The following SNAPC3 variants were observed in gnomAD, a reference collection of about 807,000 sequenced individuals.
The protein encoded by SNAPC3 is snRNA-activating protein complex subunit 3.
SNAPC3 carries 56 observed loss-of-function variants against 47.7 expected under a neutral mutation model. The observed-to-expected ratio is 1.18, with a 90% CI of 0.95 to 1.47. SNAPC3 has a LOEUF of 1.47. Among genes scored for constraint, SNAPC3 ranks in the 40% most tolerant of loss-of-function variants. The pLI, the probability that SNAPC3 is intolerant of heterozygous loss-of-function variation, is 0.00. For synonymous variants in SNAPC3, 235 were observed against 189.9 expected, an observed-to-expected ratio of 1.24 and a Z score of -1.95; for missense variants, 665 against 511.3, an observed-to-expected ratio of 1.30 and a Z score of -2.90.
chr9:15,464,224 A>G, downstream of SNAPC3: 1 of 191,966 alleles, frequency 5.2e-6, no homozygotes, highest in Non-Finnish European at 1.1e-5. Flanking sequence ...TTCCATTATA[A>G]GACCTCTTTA....
At chr9:15,424,649 A>G (rs1188353371) in intron 2 of SNAPC3, among the ~76,000 whole-genome samples, 1 of 152,226 alleles carries the variant, frequency 6.6e-6, no homozygotes, top group African/African-American at 2.4e-5. Flanking sequence ...ATTGGTTAAC[A>G]AATAGGTCAT....
chr9:15,450,633 C>T (rs575580715), intron 5 of SNAPC3, among the ~76,000 whole-genome samples: 1 of 152,356 alleles, frequency 6.6e-6, no homozygotes, highest in South Asian at 2.1e-4. Flanking sequence ...ACCAGTTTAA[C>T]AGAGTGCTTC....
rs746587196 is a variant in SNAPC3 at position 15,444,595 on chromosome 9, T to G, written c.478-7T>G. On this transcript the variant is annotated splice_region_variant and splice_polypyrimidine_tract_variant and intron_variant, in intron 3 of 8. Transcript: ENST00000380821. ...TCTGATTTCAGTGTCTCTTTTTCTT[T>G]CTTCAGGAGTCACATGCCATAGGAA... 2.6e-6 allele frequency: 4 copies of G among 1,568,084 alleles called. No homozygotes were observed. The highest frequency in any genetic ancestry group is 1.7e-5 in the Admixed American group (1 of 59,210).
chr9:15,458,507 C>G (rs556370669), intron 8 of SNAPC3, among the ~76,000 whole-genome samples: 6 of 152,294 alleles, frequency 3.9e-5, no homozygotes, highest in Admixed American at 1.3e-4. Flanking sequence ...TTCTTTCTGC[C>G]TCTTGTCCAC....
chr9:15,456,402 A>C (rs954688292), intron 7 of SNAPC3, among the ~76,000 whole-genome samples: 1 of 152,224 alleles, frequency 6.6e-6, no homozygotes, highest in Non-Finnish European at 1.5e-5. Context: ...AACTCATGGT[A>C]ACTTCTTGAT....
chr9:15,462,219 G>A (rs932194566), downstream of SNAPC3: 1 of 152,130 alleles, frequency 6.6e-6, no homozygotes, highest in Non-Finnish European at 1.5e-5. Context: ...CTGCTACTGG[G>A]ATTCTTTATT....
At chr9:15,441,506 A>C (rs1367334089) in intron 3 of SNAPC3, among the ~76,000 whole-genome samples, 1 of 150,792 alleles carries the variant, frequency 6.6e-6, no homozygotes, top group Non-Finnish European at 1.5e-5. Flanking sequence ...ACAAGTGAAC[A>C]AGGGTCTCTG....
Position 15,449,914 on chromosome 9 carries a change from G to C in SNAPC3, c.733-1406G>C, listed in dbSNP as rs1319332464. On this transcript the variant is annotated intron_variant, in intron 5 of 8. Transcript: ENST00000380821. ...AATGGAAAACATTTTTGTTCTTTTA[G>C]AGTTCACCTTGTAATTAATAATTAT... Among the ~76,000 whole-genome samples, 3 of 152,020 alleles carry C rather than the reference G, an allele frequency of 2.0e-5. No individual in the cohort carries two copies. The East Asian group carries it at 5.8e-4, about 29-fold the overall frequency.
intron 7 of SNAPC3, among the ~76,000 whole-genome samples, chr9:15,454,260 C>T (rs1317643580): frequency 6.6e-6 from 1 of 151,582 alleles, no homozygotes; most frequent in Non-Finnish European, 1.5e-5. Flanking sequence ...AAGAAAGAAG[C>T]TGATGCTTTC....
chr9:15,430,860 C>G (rs980792553), intron 2 of SNAPC3, among the ~76,000 whole-genome samples: 2 of 152,024 alleles, frequency 1.3e-5, no homozygotes, highest in African/African-American at 4.8e-5. Context: ...AAGCAAAGTC[C>G]CAAAGTATAT....
intron 4 of SNAPC3, among the ~76,000 whole-genome samples, chr9:15,446,147 G>T (rs2033912525): frequency 6.6e-6 from 1 of 152,194 alleles, no homozygotes; most frequent in East Asian, 1.9e-4. Flanking sequence ...GTATCATCTT[G>T]ATTATAAACT....
intron 6 of SNAPC3, 43 bp downstream of exon 6, chr9:15,451,445 G>A (rs1452801615): frequency 2.2e-6 from 2 of 910,048 alleles, no homozygotes; most frequent in East Asian, 5.0e-5. Context: ...CCTATTTCTA[G>A]TTATCAAAGT....
At chr9:15,466,672 T>A, downstream of SNAPC3, 1 of 1,144,850 alleles carries the variant, frequency 8.7e-7, no homozygotes, top group Non-Finnish European at 1.2e-6. Context: ...TATAGTAAGA[T>A]AACCTTGGAA....
At chr9:15,442,920 G>T (rs2033611020) in intron 3 of SNAPC3, among the ~76,000 whole-genome samples, 1 of 152,238 alleles carries the variant, frequency 6.6e-6, no homozygotes, top group Non-Finnish European at 1.5e-5. Context: ...TGCAATCCCG[G>T]CACCTCGGGA....
At chr9:15,459,547 T>C (rs2035042232) in intron 8 of SNAPC3, among the ~76,000 whole-genome samples, 172 bp from the exon 9 acceptor site, 1 of 152,184 alleles carries the variant, frequency 6.6e-6, no homozygotes. Flanking sequence ...AGAGAGAGTA[T>C]TGGTGGTGAT....
chr9:15,441,868 C>T (rs1376114455), intron 3 of SNAPC3, among the ~76,000 whole-genome samples: 2 of 152,250 alleles, frequency 1.3e-5, no homozygotes, highest in African/African-American at 4.8e-5. Flanking sequence ...TTCGACAAAA[C>T]CGCCATCGTC....
chr9:15,457,813 A>G (rs2034909933), intron 7 of SNAPC3, 147 bp from the exon 8 acceptor site: 3 of 564,020 alleles, frequency 5.3e-6, no homozygotes, highest in Non-Finnish European at 9.2e-6. Flanking sequence ...GAAACATGGC[A>G]TAACAAGTAA....
chr9:15,449,972 A>G (rs1191742160), intron 5 of SNAPC3, among the ~76,000 whole-genome samples: 1 of 152,160 alleles, frequency 6.6e-6, no homozygotes, highest in Admixed American at 6.5e-5. Context: ...AAATCACCTA[A>G]GATGAAGTTT....
chr9:15,454,791 A>G (rs549787605), intron 7 of SNAPC3, among the ~76,000 whole-genome samples: 38 of 152,238 alleles, frequency 2.5e-4, no homozygotes, highest in East Asian at 2.1e-3. Context: ...AAAATTAGCC[A>G]GGCGTGGTGG....
Sources: gnomAD v4.1 joint callset for allele counts (sites outside exome capture counted in the v4.1 genomes callset) on GRCh38, gnomAD v4.1.1 for gene constraint, MANE v1.5 for transcripts, NCBI Gene and HGNC (gene_info 2026-07-23, HGNC 2026-07-21) for gene names.